The following THRB variants were observed in gnomAD, a reference collection of about 807,000 sequenced individuals.
THRB encodes thyroid hormone receptor beta.
A neutral mutation model predicts 47.8 loss-of-function variants in THRB; 12 were observed. The observed-to-expected ratio is 0.25, with a 90% CI of 0.16 to 0.41. The LOEUF is 0.41. Among genes scored for constraint, THRB ranks in the 10% least tolerant of loss-of-function variants. THRB has a pLI of 1.00. For missense variants in THRB, 348 were observed against 589.2 expected, an observed-to-expected ratio of 0.59 and a Z score of 4.24; for synonymous variants, 218 against 212.2, an observed-to-expected ratio of 1.03 and a Z score of -0.24.
chr3:24,195,666 A>T (rs1217439135), intron 4 of THRB, among the ~76,000 whole-genome samples: 1 of 152,212 alleles, frequency 6.6e-6, no homozygotes, highest in African/African-American at 2.4e-5. Context: ...TCAAGGCCCC[A>T]CTGAGCCTCC....
chr3:24,299,779 T>TTTTC (rs2056787521), intron 2 of THRB, among the ~76,000 whole-genome samples: 1 of 79,584 alleles, frequency 1.3e-5, no homozygotes, highest in Non-Finnish European at 2.3e-5. Context: ...TTTTATTTAT[T>TTTTC]TATTTATTTA....
chr3:24,341,583 A>G (rs1403253737), intron 1 of THRB, among the ~76,000 whole-genome samples: 2 of 152,068 alleles, frequency 1.3e-5, no homozygotes, highest in Admixed American at 1.3e-4. Flanking sequence ...AATAGGCACA[A>G]TACTTTACCC....
chr3:24,456,796 T>C (rs1451761266), intron 1 of THRB, among the ~76,000 whole-genome samples: 1 of 152,060 alleles, frequency 6.6e-6, no homozygotes, highest in East Asian at 1.9e-4. Flanking sequence ...ATAAACTTAC[T>C]AATAATTCTC....
intron 2 of THRB, among the ~76,000 whole-genome samples, chr3:24,314,868 T>G (rs1440407564): frequency 1.3e-5 from 2 of 152,222 alleles, no homozygotes; most frequent in Admixed American, 1.3e-4. Flanking sequence ...TATTCATATA[T>G]TCCTGCAGGG....
intron 3 of THRB, among the ~76,000 whole-genome samples, chr3:24,276,042 T>C (rs1297430471): frequency 1.6e-5 from 2 of 127,554 alleles, no homozygotes; most frequent in Non-Finnish European, 3.1e-5. Flanking sequence ...AGTCTTCTAC[T>C]TTTTTTTTTT....
chr3:24,214,242 A>C (rs1007677342), intron 4 of THRB, among the ~76,000 whole-genome samples: 1 of 152,332 alleles, frequency 6.6e-6, no homozygotes, highest in Admixed American at 6.5e-5. Context: ...TTTAGGGCAT[A>C]TAAAATGGCT....
At chr3:24,482,529 TTC>T (rs759032680) in intron 1 of THRB, among the ~76,000 whole-genome samples, 2 of 119,786 alleles carry the variant, frequency 1.7e-5, no homozygotes, top group Non-Finnish European at 3.5e-5. Flanking sequence ...CTTTCTTTCT[TTC>T]TGTCTCCCTC....
At chr3:24,218,335 TCTC>T (rs1178856534) in intron 4 of THRB, among the ~76,000 whole-genome samples, 105 of 117,898 alleles carry the variant, frequency 8.9e-4, no homozygotes, top group African/African-American at 3.4e-3. Flanking sequence ...TCTCTCTCTC[TCTC>T]TCTCTTTTTT....
intron 9 of THRB, 148 bp downstream of exon 9, chr3:24,133,168 T>C (rs1051947404): frequency 1.3e-6 from 1 of 798,520 alleles, no homozygotes; most frequent in Non-Finnish European, 2.1e-6. Flanking sequence ...CCAAATGAAA[T>C]AGAATGCATT....
chr3:24,310,999 G>A (rs1425273351), intron 2 of THRB, among the ~76,000 whole-genome samples: 2 of 152,026 alleles, frequency 1.3e-5, no homozygotes, highest in Non-Finnish European at 2.9e-5. Flanking sequence ...CATTAATTGG[G>A]TGGTGTCTCA....
chr3:24,248,416 A>G (rs1262099488), intron 3 of THRB, among the ~76,000 whole-genome samples: 2 of 152,194 alleles, frequency 1.3e-5, no homozygotes, highest in African/African-American at 2.4e-5. Flanking sequence ...AAGGTTTGGA[A>G]TAGTACAATG....
At chr3:24,439,349 C>T (rs951562494) in intron 1 of THRB, among the ~76,000 whole-genome samples, 5 of 152,166 alleles carry the variant, frequency 3.3e-5, no homozygotes, top group African/African-American at 1.2e-4. Flanking sequence ...TAGGCTTCTT[C>T]TCACACCTAC....
intron 1 of THRB, among the ~76,000 whole-genome samples, chr3:24,407,958 G>A (rs1328665646): frequency 4.0e-5 from 6 of 151,874 alleles, no homozygotes; most frequent in South Asian, 2.1e-4. Flanking sequence ...CAAGTTATTC[G>A]TATGAATGAG....
chr3:24,160,730 A>C (rs1020799948), intron 5 of THRB, among the ~76,000 whole-genome samples: 3 of 152,200 alleles, frequency 2.0e-5, no homozygotes, highest in Non-Finnish European at 4.4e-5. Flanking sequence ...GTAGGGCGGG[A>C]AGCGGCTTGA....
intron 2 of THRB, among the ~76,000 whole-genome samples, chr3:24,325,697 A>C (rs895130262): frequency 6.6e-6 from 1 of 152,192 alleles, no homozygotes; most frequent in Non-Finnish European, 1.5e-5. Context: ...TAAAAAAAGC[A>C]AGGAGAACAC....
intron 4 of THRB, among the ~76,000 whole-genome samples, chr3:24,191,615 G>A (rs1279942488): frequency 1.3e-5 from 2 of 152,128 alleles, no homozygotes; most frequent in Non-Finnish European, 2.9e-5. Flanking sequence ...AAATGCTTTA[G>A]GTTTTCATAA....
intron 5 of THRB, among the ~76,000 whole-genome samples, chr3:24,176,472 TTACTTTGCTTTTTCACCCTTAAGAACAAC>T (rs2041170040): frequency 6.6e-6 from 1 of 152,192 alleles, no homozygotes; most frequent in Non-Finnish European, 1.5e-5. Context: ...TCACCTGCAT[TTACTTTGCTTTTTCACCCTTAAGAACAAC>T]TAGTGCAAAA....
chr3:24,307,928 A>G (rs1263571472), intron 2 of THRB, among the ~76,000 whole-genome samples: 3 of 152,172 alleles, frequency 2.0e-5, no homozygotes, highest in Non-Finnish European at 4.4e-5. Context: ...AGTTAAGACT[A>G]TGAGTCTATA....
chr3:24,308,868 G>A (rs1011269601), intron 2 of THRB, among the ~76,000 whole-genome samples: 1 of 151,984 alleles, frequency 6.6e-6, no homozygotes, highest in Non-Finnish European at 1.5e-5. Flanking sequence ...TTGTTTTTGT[G>A]CCTCTATCAA....
Sources: gnomAD v4.1 joint callset for allele counts (sites outside exome capture counted in the v4.1 genomes callset) on GRCh38, gnomAD v4.1.1 for gene constraint, MANE v1.5 for transcripts, NCBI Gene and HGNC (gene_info 2026-07-23, HGNC 2026-07-21) for gene names.